Variants in ARL15 observed in about 807,000 individuals in gnomAD.
The protein encoded by ARL15 is ADP-ribosylation factor-like protein 15.
ARL15 carries 19 observed loss-of-function variants against 25.2 expected under a neutral mutation model. That is an observed-to-expected ratio of 0.75 (90% CI 0.53 to 1.10). The LOEUF (loss-of-function observed/expected upper bound fraction) is 1.10. Among genes scored for constraint, ARL15 ranks in the 50% least tolerant of loss-of-function variants. The pLI, the probability that ARL15 is intolerant of heterozygous loss-of-function variation, is 0.00. For synonymous variants in ARL15, 94 were observed against 86.8 expected, an observed-to-expected ratio of 1.08 and a Z score of -0.46; for missense variants, 220 against 246.0, an observed-to-expected ratio of 0.89 and a Z score of 0.71.
At chr5:54,302,849 C>A (rs1356220550) in intron 1 of ARL15, among the ~76,000 whole-genome samples, 1 of 151,876 alleles carries the variant, frequency 6.6e-6, no homozygotes, top group African/African-American at 2.4e-5. Context: ...GAGGGTCAAC[C>A]AGAACTGGGC....
chr5:54,043,142 T>A (rs1203714758), intron 4 of ARL15, among the ~76,000 whole-genome samples: 1 of 152,136 alleles, frequency 6.6e-6, no homozygotes, highest in African/African-American at 2.4e-5. Flanking sequence ...CAACCTTCTC[T>A]GTTTCTTCAA....
Position 54,084,399 on chromosome 5 carries a change from G to A in ARL15, c.462+28803C>T, listed in dbSNP as rs149122797. ...GGGTGGAGGAGTAGGATACTTTTGG[G>A]GCCACTACAGTGGTACTGACTCTTC... is the stretch of plus-strand genomic sequence containing the variant. On this transcript the variant is annotated intron_variant, in intron 4 of 4. Coordinates refer to ENST00000504924, the MANE Select transcript of ARL15 (RefSeq NM_019087.3). Among the ~76,000 whole-genome samples the A allele has an allele frequency of 2.7e-4, 39 of 142,788 alleles. No individual in the cohort carries two copies. The East Asian group carries it at 8.0e-3, about 29-fold the overall frequency. The allele number at this position is 142,788 out of a possible 152,430, so 93.7% of individuals were successfully genotyped here.
intron 4 of ARL15, among the ~76,000 whole-genome samples, chr5:54,083,323 T>C (rs77478573): frequency 0.017 from 2,608 of 152,320 alleles, 27 homozygotes; most frequent in Middle Eastern, 0.027. Context: ...CTAATGGAAC[T>C]AAGGAGAACT....
chr5:53,911,186 G>A (rs926493487), intron 4 of ARL15, among the ~76,000 whole-genome samples: 1 of 152,144 alleles, frequency 6.6e-6, no homozygotes, highest in African/African-American at 2.4e-5. Context: ...GTCTTGGTAT[G>A]AGAAGCTTCA....
intron 3 of ARL15, chr5:54,154,377 C>G (rs907001875): frequency 1.6e-5 from 7 of 427,288 alleles, no homozygotes; most frequent in African/African-American, 1.5e-4. Context: ...TCAAAAAACC[C>G]CCAAAGTTTA....
intron 1 of ARL15, among the ~76,000 whole-genome samples, chr5:54,296,409 C>G (rs576884654): frequency 1.3e-5 from 2 of 152,310 alleles, no homozygotes; most frequent in African/African-American, 4.8e-5. Flanking sequence ...GAAACAGGCA[C>G]GGAGGCTGCA....
chr5:54,240,083 C>T (rs1220172780), intron 1 of ARL15, among the ~76,000 whole-genome samples: 57 of 151,742 alleles, frequency 3.8e-4, no homozygotes, highest in African/African-American at 1.1e-3. Context: ...AAAAATTAGC[C>T]GGGTGTGGTG....
intron 2 of ARL15, among the ~76,000 whole-genome samples, chr5:54,164,754 T>TA (rs1754516725): frequency 6.6e-6 from 1 of 152,034 alleles, no homozygotes; most frequent in South Asian, 2.1e-4. Context: ...TCTTTATACT[T>TA]AAAGTTTGAT....
At chr5:54,191,944 A>G (rs1755413666) in intron 1 of ARL15, among the ~76,000 whole-genome samples, 1 of 152,128 alleles carries the variant, frequency 6.6e-6, no homozygotes, top group African/African-American at 2.4e-5. Context: ...AAAAGGTCCT[A>G]TAAAATCTGC....
At chr5:53,978,157 T>C (rs1326306267) in intron 4 of ARL15, among the ~76,000 whole-genome samples, 1 of 152,240 alleles carries the variant, frequency 6.6e-6, no homozygotes, top group Non-Finnish European at 1.5e-5. Flanking sequence ...ACAAGTGGTA[T>C]ATTGCTTAGT....
intron 1 of ARL15, among the ~76,000 whole-genome samples, chr5:54,288,365 T>G (rs1317274853): frequency 6.6e-6 from 1 of 152,220 alleles, no homozygotes; most frequent in East Asian, 1.9e-4. Context: ...AATGCAGAAG[T>G]GATGGCAGGA....
At chr5:54,071,990 A>G (rs1751439919) in intron 4 of ARL15, among the ~76,000 whole-genome samples, 1 of 151,724 alleles carries the variant, frequency 6.6e-6, no homozygotes, top group Admixed American at 6.6e-5. Flanking sequence ...AAAAAAAAAA[A>G]AAAAAGAAAA....
At chr5:54,059,682 C>A (rs1396777766) in intron 4 of ARL15, among the ~76,000 whole-genome samples, 2 of 152,308 alleles carry the variant, frequency 1.3e-5, no homozygotes, top group Middle Eastern at 6.8e-3. Flanking sequence ...TTAAAGGACA[C>A]TTTGCTTGAT....
At chr5:54,249,474 A>C (rs1757182972) in intron 1 of ARL15, among the ~76,000 whole-genome samples, 1 of 152,176 alleles carries the variant, frequency 6.6e-6, no homozygotes, top group African/African-American at 2.4e-5. Context: ...AACAGAGAAA[A>C]AAGTTCAGAA....
intron 4 of ARL15, among the ~76,000 whole-genome samples, chr5:53,935,647 C>T (rs975761446): frequency 1.3e-5 from 2 of 152,112 alleles, no homozygotes; most frequent in South Asian, 2.1e-4. Flanking sequence ...GAGTGTGGAG[C>T]GGGAGGAATT....
At chr5:54,210,466 T>C (rs987037836) in intron 1 of ARL15, among the ~76,000 whole-genome samples, 1 of 152,218 alleles carries the variant, frequency 6.6e-6, no homozygotes, top group Non-Finnish European at 1.5e-5. Flanking sequence ...AAATGATAAA[T>C]GTATTGTGAA....
chr5:53,947,199 T>TGTGC (rs1746777150), intron 4 of ARL15, among the ~76,000 whole-genome samples: 1 of 150,820 alleles, frequency 6.6e-6, no homozygotes, highest in Non-Finnish European at 1.5e-5. Context: ...TGTGTGTGTG[T>TGTGC]GTGTGTGTGT....
At chr5:54,249,830 A>G (rs2289856) in intron 1 of ARL15, among the ~76,000 whole-genome samples, 18,740 of 152,174 alleles carry the variant, frequency 0.12, 1,437 homozygotes, top group East Asian at 0.42. Flanking sequence ...ACAGGGCTAT[A>G]GCAGTTTCTG....
At chr5:53,909,663 G>A (rs564244611) in intron 4 of ARL15, among the ~76,000 whole-genome samples, 4 of 152,264 alleles carry the variant, frequency 2.6e-5, no homozygotes, top group East Asian at 1.9e-4. Context: ...CCAAAATCAC[G>A]CCATTGCAGT....
Sources: allele counts gnomAD v4.1 joint callset (sites outside exome capture counted in the v4.1 genomes callset), GRCh38; gene constraint gnomAD v4.1.1; transcripts MANE v1.5; gene names NCBI Gene and HGNC (gene_info 2026-07-23, HGNC 2026-07-21).